Variants in WHRN observed in about 807,000 individuals in gnomAD.
WHRN encodes the protein whirlin.
In WHRN, 41 loss-of-function variants were observed where a neutral mutation model predicts 68.3. The ratio of observed to expected loss-of-function variants is 0.60; its 90% confidence interval spans 0.47 to 0.78. WHRN has a LOEUF of 0.78. WHRN is among the 30% of genes least tolerant of loss of function. The probability of loss-of-function intolerance (pLI) is 0.00; values close to 1 mark genes in which losing one functional copy is unlikely to be tolerated. For synonymous variants in WHRN, 560 were observed against 561.3 expected (o/e 1.00, Z 0.03); for missense variants, 1,243 against 1,244.7 (o/e 1.00, Z 0.02).
chr9:114,407,017 C>T (rs1835088029), intron 8 of WHRN, 125 bp from the exon 9 acceptor site: 6 of 1,169,748 alleles, frequency 5.1e-6, no homozygotes, highest in Non-Finnish European at 4.9e-6. Flanking sequence ...TGCTCTTGGC[C>T]ACACTGCTCT....
chr9:114,478,395 G>A (rs1841826771), intron 2 of WHRN, 158 bp downstream of exon 2: 1 of 807,436 alleles, frequency 1.2e-6, no homozygotes, highest in Non-Finnish European at 2.2e-6. Flanking sequence ...AAAAAGAAAA[G>A]CAAAGAAAAA....
At chr9:114,489,964 T>C (rs1372638291) in intron 1 of WHRN, among the ~76,000 whole-genome samples, 2 of 152,256 alleles carry the variant, frequency 1.3e-5, no homozygotes, top group Non-Finnish European at 2.9e-5. Context: ...TCTTATATTA[T>C]TTTGGAATGA....
Position 114,423,747 on chromosome 9 carries a change from T to C in WHRN, c.1417-224A>G, listed in dbSNP as rs2274161. ...CCCTGTCATCTCCTCAGCAAGCACA[T>C]GTAGCTGTGACTCCCTGGACACACT... On this transcript the variant is annotated intron_variant, in intron 6 of 11. Coordinates refer to ENST00000362057, the MANE Select transcript of WHRN (RefSeq NM_015404.4). 0.21 allele frequency among the ~76,000 whole-genome samples: 31,722 copies of C among 152,166 alleles called. 3,836 individuals carry two copies. The highest frequency in any genetic ancestry group is 0.36 in the East Asian group (1,873 of 5,148).
At chr9:114,487,952 T>C (rs1399074710) in intron 1 of WHRN, among the ~76,000 whole-genome samples, 2 of 152,218 alleles carry the variant, frequency 1.3e-5, no homozygotes, top group African/African-American at 2.4e-5. Context: ...TTTAGGCAGA[T>C]CTTGGCTCTA....
chr9:114,487,408 G>A (rs1243710008), intron 1 of WHRN, among the ~76,000 whole-genome samples: 1 of 151,956 alleles, frequency 6.6e-6, no homozygotes, highest in African/African-American at 2.4e-5. Flanking sequence ...AACATTTTCT[G>A]CTCCATCTTT....
At position 114,468,335 on chromosome 9, in the gene WHRN, C is replaced by T. The variant is rs372278329; in HGVS notation, c.838-1943G>A. Reference sequence around the variant, plus strand: ...GGGAAACCTGACAATGTCACACAGTCGCAGCCAACTCATGGCCAAGTCAGA... The same window carrying T: ...GGGAAACCTGACAATGTCACACAGTTGCAGCCAACTCATGGCCAAGTCAGA... On this transcript the variant is annotated intron_variant, in intron 2 of 11. Transcript: ENST00000362057. Among the ~76,000 whole-genome samples the T allele has an allele frequency of 2.8e-4, 43 of 152,238 alleles. 1 individual carries two copies. In the South Asian group the frequency reaches 8.7e-3, roughly 31 times the overall value.
At chr9:114,458,647 G>C (rs1840000081) in intron 3 of WHRN, among the ~76,000 whole-genome samples, 1 of 152,156 alleles carries the variant, frequency 6.6e-6, no homozygotes, top group Non-Finnish European at 1.5e-5. Context: ...TCCTGTTGTT[G>C]GAGCACTGCA....
rs1368111483 is a variant in WHRN at position 114,415,766 on chromosome 9, G to A, written c.1626+7548C>T. Reference sequence around the variant, plus strand: ...TGCATAGAAGAAGGAGTGGCTGAACGCATGACTGAAGGAATACATGGAGTT... The same window carrying A: ...TGCATAGAAGAAGGAGTGGCTGAACACATGACTGAAGGAATACATGGAGTT... On this transcript the variant is annotated intron_variant, in intron 7 of 11. Coordinates refer to ENST00000362057, the MANE Select transcript of WHRN (RefSeq NM_015404.4). 2.0e-5 allele frequency among the ~76,000 whole-genome samples: 3 copies of A among 152,204 alleles called. No homozygotes were observed. In the South Asian group the frequency reaches 6.2e-4, roughly 32 times the overall value.
Position 114,438,514 on chromosome 9 carries a change from G to A in WHRN, c.964-12101C>T, listed in dbSNP as rs1474648975. Among the ~76,000 whole-genome samples, 7 of 147,190 alleles carry A rather than the reference G, an allele frequency of 4.8e-5. No individual in the cohort carries two copies. The East Asian group carries it at 1.2e-3, about 26-fold the overall frequency. On this transcript the variant is annotated intron_variant, in intron 3 of 11. Transcript: ENST00000362057. The stretch of plus-strand genomic sequence containing the variant: ...GTCACCCAGGCTGGAGTGCAGTGGC[G>A]CAATCTTGGCTCACTGCAAGCTCTG...
chr9:114,406,278 A>C (rs1417354866), intron 9 of WHRN, 77 bp downstream of exon 9: 7 of 1,595,938 alleles, frequency 4.4e-6, no homozygotes, highest in Non-Finnish European at 5.1e-6. Flanking sequence ...CCCCCCCTTC[A>C]CTGTGTCATC....
chr9:114,406,416 C>A lies in WHRN; in HGVS notation c.2175G>T (p.Glu725Asp), dbSNP rs141823009. The A allele has an allele frequency of 4.3e-6, 7 of 1,614,054 alleles. No individual in the cohort carries two copies. The highest frequency in any genetic ancestry group is 1.6e-4 in the Middle Eastern group (1 of 6,084). ...CTGGCTCGCTGTCGGGGCGGTGGAC[C>A]TCCACCATGACAAAGTGCTGGTTTG... ...TGTNQHFVMV[E>D]VHRPDSEPDV... Residue 725 changes from glutamate (E) to aspartate (D), a missense_variant, in exon 9 of 12, where the codon GAG (glutamate) becomes GAT (aspartate). Physicochemically the swap from Glu to Asp is conservative, Grantham distance 45. Transcript: ENST00000362057.
intron 2 of WHRN, among the ~76,000 whole-genome samples, chr9:114,473,206 ATGGGCAAATGAC>A (rs1471522056): frequency 2.0e-5 from 3 of 152,236 alleles, no homozygotes; most frequent in Admixed American, 6.5e-5. Context: ...AATAAAGCTC[ATGGGCAAATGAC>A]CGGGGAGGGG....
chr9:114,420,697 G>A (rs532933069), intron 7 of WHRN, among the ~76,000 whole-genome samples: 1 of 152,222 alleles, frequency 6.6e-6, no homozygotes, highest in South Asian at 2.1e-4. Flanking sequence ...AGTCCCCAAG[G>A]CCCTGGGTAC....
intron 1 of WHRN, among the ~76,000 whole-genome samples, chr9:114,480,363 C>T (rs975828261): frequency 3.3e-5 from 5 of 152,164 alleles, no homozygotes; most frequent in Non-Finnish European, 7.3e-5. Context: ...CAGATCCATA[C>T]GCCGAAGCCC....
At chr9:114,428,274 C>T (rs1589117995) in intron 3 of WHRN, among the ~76,000 whole-genome samples, 1 of 152,248 alleles carries the variant, frequency 6.6e-6, no homozygotes, top group South Asian at 2.1e-4. Flanking sequence ...TGCAGTGAGC[C>T]GACATCGTGC....
At chr9:114,489,518 A>G (rs200692022) in intron 1 of WHRN, among the ~76,000 whole-genome samples, 20 of 486 alleles carry the variant, frequency 0.041, no homozygotes, top group Admixed American at 0.083. Flanking sequence ...ACACGCGTGC[A>G]CACACACACA....
chr9:114,465,276 A>G (rs912371958), intron 3 of WHRN, among the ~76,000 whole-genome samples: 2 of 152,152 alleles, frequency 1.3e-5, no homozygotes, highest in African/African-American at 4.8e-5. Context: ...AAATCTCCTG[A>G]TATTAGGGCA....
At chr9:114,444,035 C>T (rs376546877) in intron 3 of WHRN, among the ~76,000 whole-genome samples, 6 of 152,206 alleles carry the variant, frequency 3.9e-5, no homozygotes, top group South Asian at 4.1e-4. Context: ...CCCCCCACCA[C>T]CCGGTTCAAT....
chr9:114,451,588 A>G (rs1158163321), intron 3 of WHRN, among the ~76,000 whole-genome samples: 1 of 152,176 alleles, frequency 6.6e-6, no homozygotes, highest in South Asian at 2.1e-4. Context: ...GAAAACCCCA[A>G]GTGAAGACCA....
Sources: gnomAD v4.1 joint callset for allele counts (sites outside exome capture counted in the v4.1 genomes callset) on GRCh38, gnomAD v4.1.1 for gene constraint, MANE v1.5 for transcripts, NCBI Gene and HGNC (gene_info 2026-07-23, HGNC 2026-07-21) for gene names.